Variants in BCL2L13 observed in about 807,000 individuals in gnomAD.
The protein encoded by BCL2L13 is BCL2 like 13.
BCL2L13 carries 13 observed loss-of-function variants against 25.8 expected under a neutral mutation model. That is an observed-to-expected ratio of 0.50 (90% CI 0.33 to 0.80). The LOEUF is 0.80. Among genes scored for constraint, BCL2L13 ranks in the 30% least tolerant of loss-of-function variants. The probability of loss-of-function intolerance (pLI) is 0.02; values close to 1 mark genes in which losing one functional copy is unlikely to be tolerated. For synonymous variants in BCL2L13, 244 were observed against 230.3 expected, an observed-to-expected ratio of 1.06 and a Z score of -0.54; for missense variants, 504 against 574.9, an observed-to-expected ratio of 0.88 and a Z score of 1.26.
chr22:17,686,360 G>A (rs1196767363), intron 3 of BCL2L13, among the ~76,000 whole-genome samples: 2 of 151,794 alleles, frequency 1.3e-5, no homozygotes, highest in Admixed American at 1.3e-4. Flanking sequence ...TAAGGCATGA[G>A]AATCTCTTGA....
chr22:17,701,468 A>G (rs574546259), intron 5 of BCL2L13, among the ~76,000 whole-genome samples: 1 of 152,202 alleles, frequency 6.6e-6, no homozygotes, highest in Non-Finnish European at 1.5e-5. Context: ...TTTTTATTAC[A>G]CAAATGGTAC....
rs905579337 is a variant in BCL2L13 at position 17,709,369 on chromosome 22, C to T, written c.600+6983C>T. On this transcript the variant is annotated intron_variant, in intron 6 of 6. Coordinates refer to ENST00000317582, the MANE Select transcript of BCL2L13 (RefSeq NM_015367.4). ...CAACACTTTGGGAGGCCAAGGTGGG[C>T]AGATCACCTGAAGTCCGGAGTTCGA... Among the ~76,000 whole-genome samples, 10 of 152,218 alleles carry T rather than the reference C, an allele frequency of 6.6e-5. 1 individual carries two copies. The South Asian group carries it at 1.2e-3, about 19-fold the overall frequency.
At chr22:17,678,495 A>G (rs2059638750) in intron 2 of BCL2L13, among the ~76,000 whole-genome samples, 1 of 152,092 alleles carries the variant, frequency 6.6e-6, no homozygotes, top group South Asian at 2.1e-4. Context: ...TGGATTAACG[A>G]TTTTGTAGTC....
In BCL2L13 at chr22:17,712,600, A is replaced by G. The variant is rs564657696; in HGVS notation, c.600+10214A>G. Among the ~76,000 whole-genome samples, 7 of 152,346 alleles carry G rather than the reference A, an allele frequency of 4.6e-5. No individual in the cohort carries two copies. The South Asian group carries it at 1.2e-3, about 27-fold the overall frequency. ...AATAAACAGATAAGCCTTTGGGTAT[A>G]TAAATTATGTGACACAGTAATTCCT... is the stretch of plus-strand genomic sequence containing the variant. On this transcript the variant is annotated intron_variant, in intron 6 of 6. Transcript: ENST00000317582.
chr22:17,673,185 A>T (rs909146771), intron 2 of BCL2L13, among the ~76,000 whole-genome samples: 3 of 152,108 alleles, frequency 2.0e-5, no homozygotes, highest in African/African-American at 7.2e-5. Flanking sequence ...GTCACTGATT[A>T]AACTCTCATA....
chr22:17,727,865 C>T lies in BCL2L13; in HGVS notation c.*331C>T, dbSNP rs2061338047. ...GCTGTCCTGTGTGTGGTGGGCTCCA[C>T]CCACTAGATGCCAGTGGCACCCCCT... On this transcript the variant is annotated 3_prime_UTR_variant, in exon 7 of 7. Coordinates refer to ENST00000317582, the MANE Select transcript of BCL2L13 (RefSeq NM_015367.4). 6.4e-6 allele frequency: 2 copies of T among 314,190 alleles called. No individual in the cohort carries two copies. The highest frequency in any genetic ancestry group is 4.1e-5 in the African/African-American group (2 of 48,496). The allele number at this position is 314,190 out of a possible 1,614,324, so 19.5% of individuals were successfully genotyped here.
chr22:17,664,195 G>T (rs575414131), intron 2 of BCL2L13, among the ~76,000 whole-genome samples: 2 of 151,930 alleles, frequency 1.3e-5, no homozygotes, highest in South Asian at 4.2e-4. Flanking sequence ...CATCTTGGCC[G>T]GCTGGTCTCG....
At chr22:17,636,450 C>T (rs1009248990), upstream of BCL2L13, among the ~76,000 whole-genome samples, 1 of 151,820 alleles carries the variant, frequency 6.6e-6, no homozygotes, top group Non-Finnish European at 1.5e-5. Context: ...TATGATTGTA[C>T]CACTGCACTC....
intron 3 of BCL2L13, 143 bp from the exon 4 acceptor site, chr22:17,688,843 C>T (rs1018374882): frequency 2.1e-5 from 12 of 580,184 alleles, no homozygotes; most frequent in African/African-American, 1.8e-4. Flanking sequence ...TCTTGGCTCA[C>T]CACAACCTCT....
chr22:17,640,647 G>A (rs2058242104), intron 1 of BCL2L13, among the ~76,000 whole-genome samples: 1 of 151,492 alleles, frequency 6.6e-6, no homozygotes. Flanking sequence ...GCTTGAGCCC[G>A]GGAGTTCGAG....
intron 6 of BCL2L13, among the ~76,000 whole-genome samples, chr22:17,704,447 G>A (rs1351456115): frequency 6.6e-6 from 1 of 151,904 alleles, no homozygotes; most frequent in East Asian, 1.9e-4. Flanking sequence ...ATTTCACATT[G>A]TTCGGTCTAA....
chr22:17,647,911 G>T (rs1253780588), intron 1 of BCL2L13, among the ~76,000 whole-genome samples: 1 of 152,056 alleles, frequency 6.6e-6, no homozygotes, highest in Non-Finnish European at 1.5e-5. Flanking sequence ...GGCGGATCGG[G>T]AGATAAGGAG....
intron 2 of BCL2L13, among the ~76,000 whole-genome samples, chr22:17,660,573 C>T (rs2059031885): frequency 6.9e-6 from 1 of 144,666 alleles, no homozygotes; most frequent in South Asian, 2.1e-4. Flanking sequence ...AACAGGCCCG[C>T]GCCACCATAC....
intron 6 of BCL2L13, among the ~76,000 whole-genome samples, chr22:17,710,769 C>T (rs1265381430): frequency 4.6e-5 from 7 of 151,490 alleles, no homozygotes; most frequent in Non-Finnish European, 8.8e-5. Context: ...TCCAGCTACT[C>T]GGGAGGCTGA....
intron 3 of BCL2L13, among the ~76,000 whole-genome samples, chr22:17,684,870 C>G (rs922912971): frequency 6.6e-6 from 1 of 151,772 alleles, no homozygotes; most frequent in Non-Finnish European, 1.5e-5. Context: ...GTAGCTGGGA[C>G]TACAGGCGCC....
At chr22:17,711,837 G>T (rs759650432) in intron 6 of BCL2L13, among the ~76,000 whole-genome samples, 1 of 152,110 alleles carries the variant, frequency 6.6e-6, no homozygotes, top group Non-Finnish European at 1.5e-5. Flanking sequence ...TCTGTTTGAA[G>T]AACTGTGTAA....
intron 2 of BCL2L13, among the ~76,000 whole-genome samples, chr22:17,670,697 C>T (rs2059389693): frequency 6.6e-6 from 1 of 152,084 alleles, no homozygotes; most frequent in South Asian, 2.1e-4. Context: ...TTTGTATAAC[C>T]CAATTTGAAA....
chr22:17,724,961 C>A (rs539830769), intron 6 of BCL2L13, among the ~76,000 whole-genome samples: 2 of 152,308 alleles, frequency 1.3e-5, no homozygotes, highest in Admixed American at 1.3e-4. Flanking sequence ...TCACAGCTGC[C>A]TAGTAAATTC....
At chr22:17,639,780 A>G (rs2058203619) in intron 1 of BCL2L13, among the ~76,000 whole-genome samples, 1 of 152,172 alleles carries the variant, frequency 6.6e-6, no homozygotes, top group African/African-American at 2.4e-5. Flanking sequence ...GAGGTTTAGT[A>G]TAAAGCAGAA....
Sources: gnomAD v4.1 joint callset for allele counts (sites outside exome capture counted in the v4.1 genomes callset) on GRCh38, gnomAD v4.1.1 for gene constraint, MANE v1.5 for transcripts, NCBI Gene and HGNC (gene_info 2026-07-23, HGNC 2026-07-21) for gene names.